The following GAP43 variants were observed in gnomAD, a reference collection of about 807,000 sequenced individuals.
GAP43 encodes the protein growth associated protein 43, also known as neuromodulin.
In GAP43, 6 loss-of-function variants were observed where a neutral mutation model predicts 18.6. The observed-to-expected ratio is 0.32, with a 90% CI of 0.18 to 0.64. The LOEUF is 0.64. GAP43 is among the 30% of genes least tolerant of loss of function. The pLI, the probability that GAP43 is intolerant of heterozygous loss-of-function variation, is 0.78. For missense variants in GAP43, 292 were observed against 295.5 expected (o/e 0.99, Z 0.09); for synonymous variants, 115 against 111.4 (o/e 1.03, Z -0.20).
chr3:115,703,912 G>A (rs283392), intron 2 of GAP43, among the ~76,000 whole-genome samples: 67,443 of 151,800 alleles, frequency 0.44, 15,580 homozygotes, highest in African/African-American at 0.56. Context: ...ATCTTTGACT[G>A]AAAAATAAAA....
intron 2 of GAP43, among the ~76,000 whole-genome samples, chr3:115,710,029 T>C (rs369048901): frequency 6.6e-6 from 1 of 152,156 alleles, no homozygotes; most frequent in Non-Finnish European, 1.5e-5. Context: ...ATCCAACAGA[T>C]AGTTTCTCTC....
Position 115,623,539 on chromosome 3 carries a change from TGAGGGAGAGAGAGGGAGG to T in GAP43, c.-137_-120del, listed in dbSNP as rs1708140389. ...TTGCTGCTAACTGCCCTGGTGTGTG[TGAGGGAGAGAGAGGGAGG>T]GAGGGAGAGAGAGCGCGCTAGCGCG... On this transcript the variant is annotated 5_prime_UTR_variant, in exon 1 of 3. Transcript: ENST00000305124. 2.4e-6 allele frequency: 2 copies of T among 828,648 alleles called. No individual in the cohort carries two copies. Among genetic ancestry groups the T allele is most frequent in the Non-Finnish European group, 3.9e-6 (2 of 506,858 alleles). 51.3% of individuals were successfully genotyped at this position (828,648 alleles called of 1,614,324 possible).
At chr3:115,690,749 C>CTTTTTTTTTTTTTTT (rs1709099962) in intron 2 of GAP43, among the ~76,000 whole-genome samples, 1 of 123,448 alleles carries the variant, frequency 8.1e-6, no homozygotes. Context: ...TTTTTTTTTT[C>CTTTTTTTTTTTTTTT]TTTCTTTCTT....
chr3:115,696,053 TTCTC>T (rs1192341422), intron 2 of GAP43, among the ~76,000 whole-genome samples: 4 of 151,506 alleles, frequency 2.6e-5, no homozygotes, highest in South Asian at 2.1e-4. Context: ...CTCTTCTACA[TTCTC>T]TCTCTCTCTC....
chr3:115,630,004 C>G (rs1181401227), intron 1 of GAP43, among the ~76,000 whole-genome samples: 1 of 152,142 alleles, frequency 6.6e-6, no homozygotes, highest in Non-Finnish European at 1.5e-5. Context: ...TCTCTGAACT[C>G]TCATAGCTGG....
intron 1 of GAP43, among the ~76,000 whole-genome samples, chr3:115,635,592 A>G (rs1320546293): frequency 6.6e-6 from 1 of 152,088 alleles, no homozygotes; most frequent in African/African-American, 2.4e-5. Flanking sequence ...AAAAACTGTC[A>G]TGGGATCGTT....
chr3:115,684,198 C>A (rs753948896), intron 2 of GAP43, among the ~76,000 whole-genome samples: 19 of 151,978 alleles, frequency 1.3e-4, no homozygotes, highest in Non-Finnish European at 2.5e-4. Flanking sequence ...AGTGAAATAA[C>A]TTTTGAAGGC....
At position 115,644,953 on chromosome 3, in the gene GAP43, G is replaced by A. The variant is rs1194355444; in HGVS notation, c.30+21234G>A. On this transcript the variant is annotated intron_variant, in intron 1 of 2. Transcript: ENST00000305124. The surrounding 1 kb of genome is among the most constrained non-coding windows in gnomAD (Gnocchi z 4.2). The stretch of plus-strand genomic sequence containing the variant: ...ATGTCTGAATCCATCTAACAGTCTT[G>A]TTGAGGCAGGGAGCCTAAAGAAGCT... Among the ~76,000 whole-genome samples the A allele has an allele frequency of 2.6e-5, 4 of 152,024 alleles. No individual in the cohort carries two copies. The highest frequency in any genetic ancestry group is 9.7e-5 in the African/African-American group (4 of 41,434).
chr3:115,679,113 T>C (rs1475888089), intron 2 of GAP43, among the ~76,000 whole-genome samples: 1 of 151,980 alleles, frequency 6.6e-6, no homozygotes, highest in Non-Finnish European at 1.5e-5. Context: ...TGTTCGGAAA[T>C]GGGTGGCTAC....
intron 1 of GAP43, among the ~76,000 whole-genome samples, chr3:115,633,366 A>G (rs972092970): frequency 7.2e-5 from 11 of 152,106 alleles, no homozygotes; most frequent in Non-Finnish European, 1.5e-4. Flanking sequence ...TAGGTTAGAG[A>G]CAATTTTGGT....
At chr3:115,695,852 G>T (rs373057617) in intron 2 of GAP43, among the ~76,000 whole-genome samples, 6 of 152,044 alleles carry the variant, frequency 3.9e-5, no homozygotes, top group East Asian at 1.9e-4. Context: ...TAACAGCATC[G>T]CAGAGTTGAT....
At chr3:115,719,941 G>A (rs1045391186) in intron 2 of GAP43, among the ~76,000 whole-genome samples, 5 of 152,240 alleles carry the variant, frequency 3.3e-5, no homozygotes, top group Admixed American at 1.3e-4. Context: ...GGGAAACAAA[G>A]GGAAAATTTT....
At chr3:115,632,138 A>C (rs957846249) in intron 1 of GAP43, among the ~76,000 whole-genome samples, 2 of 151,766 alleles carry the variant, frequency 1.3e-5, no homozygotes, top group Non-Finnish European at 2.9e-5. Flanking sequence ...CCATTTGCTA[A>C]GTTTGCTGCC....
intron 1 of GAP43, among the ~76,000 whole-genome samples, chr3:115,640,874 C>G (rs930608066): frequency 6.6e-6 from 1 of 151,902 alleles, no homozygotes; most frequent in Non-Finnish European, 1.5e-5. Context: ...GTACTATTTT[C>G]TCCACGTGAA....
At position 115,709,456 on chromosome 3, in the gene GAP43, C is replaced by G. The variant is rs1309437795; in HGVS notation, c.629-11338C>G. On this transcript the variant is annotated intron_variant, in intron 2 of 2. Coordinates refer to ENST00000305124, the MANE Select transcript of GAP43 (RefSeq NM_002045.4). ...GCTGGGATTCTTCTCAACTGGGATC[C>G]TGTGGAGTGAAACGGGGAGATGTAG... Among the ~76,000 whole-genome samples the G allele has an allele frequency of 3.3e-5, 5 of 152,162 alleles. No individual in the cohort carries two copies. In the East Asian group the frequency reaches 7.7e-4, roughly 23 times the overall value.
chr3:115,663,562 CAA>C lies in GAP43; in HGVS notation c.31-12450_31-12449del, dbSNP rs1293273771. On this transcript the variant is annotated intron_variant, in intron 1 of 2. Transcript: ENST00000305124. ...GGTCTCTGGGTTGTTTTCAACATCTCAAGTGTGAATTTTCCCTGTCAAAATCT... is the reference window on the plus strand; with the variant it reads ...GGTCTCTGGGTTGTTTTCAACATCTCGTGTGAATTTTCCCTGTCAAAATCT... 9 of 1,312,468 alleles carry C rather than the reference CAA, an allele frequency of 6.9e-6. No individual in the cohort carries two copies. The East Asian group carries it at 2.7e-4, about 39-fold the overall frequency. 81.3% of individuals were successfully genotyped at this position (1,312,468 alleles called of 1,614,324 possible).
Position 115,641,426 on chromosome 3 carries a change from A to ATATAC in GAP43, c.30+17708_30+17712dup, listed in dbSNP as rs1482338817. 2.0e-5 allele frequency among the ~76,000 whole-genome samples: 3 copies of ATATAC among 151,600 alleles called. No individual in the cohort carries two copies. The South Asian group carries it at 6.3e-4, about 32-fold the overall frequency. ...CATACACACATAGGGGTGTGCATAT[A>ATATAC]TATACACACAGACACTATATATATA... On this transcript the variant is annotated intron_variant, in intron 1 of 2. Transcript: ENST00000305124.
At chr3:115,690,009 A>G (rs564750050) in intron 2 of GAP43, among the ~76,000 whole-genome samples, 3 of 152,360 alleles carry the variant, frequency 2.0e-5, no homozygotes, top group Admixed American at 1.3e-4. Context: ...GTTTTCTTGT[A>G]GCTCTGTTTC....
chr3:115,642,768 T>C (rs756440352), intron 1 of GAP43, among the ~76,000 whole-genome samples: 3 of 152,078 alleles, frequency 2.0e-5, no homozygotes, highest in Non-Finnish European at 4.4e-5. Context: ...TTAACATTAG[T>C]TATTACTTGT....
Sources: allele counts gnomAD v4.1 joint callset (sites outside exome capture counted in the v4.1 genomes callset), GRCh38; gene constraint gnomAD v4.1.1; non-coding constraint Gnocchi (gnomAD v3.1); transcripts MANE v1.5; gene names NCBI Gene and HGNC (gene_info 2026-07-23, HGNC 2026-07-21).